Variants in FAM178B observed in about 807,000 individuals in gnomAD.
FAM178B encodes protein FAM178B.
FAM178B carries 82 observed loss-of-function variants against 91.7 expected under a neutral mutation model. The observed-to-expected ratio is 0.89, with a 90% CI of 0.75 to 1.07. The LOEUF (loss-of-function observed/expected upper bound fraction) is 1.07. FAM178B is among the 50% of genes least tolerant of loss of function. The pLI, the probability that FAM178B is intolerant of heterozygous loss-of-function variation, is 0.00. For missense variants in FAM178B, 769 were observed against 846.7 expected (o/e 0.91, Z 1.14); for synonymous variants, 368 against 359.4 (o/e 1.02, Z -0.27).
intron 5 of FAM178B, 138 bp from the exon 6 acceptor site, chr2:96,960,578 C>T (rs948824666): frequency 2.8e-5 from 29 of 1,017,726 alleles, no homozygotes; most frequent in Admixed American, 9.0e-5. Context: ...AAGGGGACAG[C>T]GCCACCTGCT....
At chr2:96,926,781 T>A (rs1484517205) in intron 9 of FAM178B, among the ~76,000 whole-genome samples, 1 of 152,100 alleles carries the variant, frequency 6.6e-6, no homozygotes, top group East Asian at 1.9e-4. Flanking sequence ...TTTAAGGAAA[T>A]CCGAGATTAG....
intron 12 of FAM178B, among the ~76,000 whole-genome samples, chr2:96,920,034 AACACAGAGG>A (rs1440723223): frequency 6.6e-6 from 1 of 152,120 alleles, no homozygotes; most frequent in Non-Finnish European, 1.5e-5. Flanking sequence ...AGTGGAGGGT[AACACAGAGG>A]TGTCTGCCAA....
intron 9 of FAM178B, among the ~76,000 whole-genome samples, chr2:96,926,066 G>T (rs2081433139): frequency 6.6e-6 from 1 of 152,184 alleles, no homozygotes; most frequent in African/African-American, 2.4e-5. Flanking sequence ...CACTTTGGGA[G>T]GCTGAGGTGA....
intron 12 of FAM178B, among the ~76,000 whole-genome samples, chr2:96,904,278 A>G (rs1009390566): frequency 3.3e-5 from 5 of 152,210 alleles, no homozygotes; most frequent in African/African-American, 1.2e-4. Context: ...TGTTGTGATT[A>G]TGAATGAACC....
In FAM178B at chr2:96,929,256, AC is replaced by A; in HGVS notation, c.1142del (p.Gly381ValfsTer26). On this transcript the variant is annotated frameshift_variant, in exon 9 of 17. Coordinates refer to ENST00000490605, the MANE Select transcript of FAM178B (RefSeq NM_001122646.3). LOFTEE classifies it high-confidence loss of function. The stretch of plus-strand genomic sequence containing the variant: ...GAGGGTACAGGGCAGGACTGTGGGC[AC>A]CCAGGCTGTGGAATGCCTCCCTGAC... ...QEVREAFHSL[G>X]AHSPALYPLG... 2 of 1,551,662 alleles carry A rather than the reference AC, an allele frequency of 1.3e-6. No homozygotes were observed. The highest frequency in any genetic ancestry group is 1.7e-6 in the Non-Finnish European group (2 of 1,146,968).
chr2:96,961,312 G>GGTGTGGGTGT (rs2082077682), intron 5 of FAM178B, among the ~76,000 whole-genome samples: 1 of 146,842 alleles, frequency 6.8e-6, no homozygotes, highest in South Asian at 2.2e-4. Context: ...AGCAGCAGAG[G>GGTGTGGGTGT]GTGTGTGTGT....
In FAM178B at chr2:96,929,013, C is replaced by T. The variant is rs578019389; in HGVS notation, c.1193+193G>A. Among the ~76,000 whole-genome samples the T allele has an allele frequency of 6.6e-5, 10 of 152,178 alleles. No individual in the cohort carries two copies. The East Asian group carries it at 1.7e-3, about 27-fold the overall frequency. On this transcript the variant is annotated intron_variant, in intron 9 of 16. Transcript: ENST00000490605. ...CCTCTACAAAAAATTAAAAAATTCG[C>T]CAGGCGTGGTGGTGCGTACCTGTAG...
In FAM178B at chr2:96,909,569, G is replaced by A. The variant is rs548514067; in HGVS notation, c.1563-6862C>T. Among the ~76,000 whole-genome samples the A allele has an allele frequency of 1.0e-3, 157 of 152,274 alleles. 1 individual carries two copies. The highest frequency in any genetic ancestry group is 1.2e-3 in the Non-Finnish European group (83 of 68,026). On this transcript the variant is annotated intron_variant, in intron 12 of 16. Transcript: ENST00000490605. ...TCTGACGGCCCTGGGGGTTGTCAAT[G>A]TTCCCTTTCAAGTGCGACACTCGGA...
At chr2:96,977,841 G>A (rs1472476709) in intron 1 of FAM178B, 2 of 455,556 alleles carry the variant, frequency 4.4e-6, no homozygotes, top group Non-Finnish European at 8.8e-6. Context: ...CTCCAGCGTT[G>A]ACGGTTTTTG....
intron 6 of FAM178B, among the ~76,000 whole-genome samples, chr2:96,953,453 G>A (rs556263776): frequency 6.6e-6 from 1 of 152,220 alleles, no homozygotes; most frequent in African/African-American, 2.4e-5. Context: ...CTTAGTGGGA[G>A]AATTGATTGT....
intron 16 of FAM178B, among the ~76,000 whole-genome samples, chr2:96,876,809 A>G (rs528125511): frequency 6.6e-6 from 1 of 152,066 alleles, no homozygotes; most frequent in African/African-American, 2.4e-5. Flanking sequence ...CCCTCCATAG[A>G]GGACTGGGGG....
intron 8 of FAM178B, among the ~76,000 whole-genome samples, chr2:96,946,770 C>T (rs1039041305): frequency 6.6e-6 from 1 of 152,252 alleles, no homozygotes; most frequent in Non-Finnish European, 1.5e-5. Context: ...GAGGCGGCCC[C>T]TGGGGCTCCA....
At chr2:96,910,620 G>C (rs1240595278) in intron 12 of FAM178B, among the ~76,000 whole-genome samples, 1 of 151,448 alleles carries the variant, frequency 6.6e-6, no homozygotes, top group Admixed American at 6.6e-5. Context: ...CACGCCGTTT[G>C]TCCGGCTACC....
chr2:96,922,340 G>A (rs1226535540), intron 10 of FAM178B, among the ~76,000 whole-genome samples: 1 of 152,180 alleles, frequency 6.6e-6, no homozygotes, highest in Non-Finnish European at 1.5e-5. Flanking sequence ...CTATGAAGTA[G>A]CCATTCTTTA....
At position 96,972,245 on chromosome 2, in the gene FAM178B, C is replaced by G; in HGVS notation, c.220G>C (p.Gly74Arg). The G allele has an allele frequency of 6.6e-7, 1 of 1,519,084 alleles. No homozygotes were observed. Among genetic ancestry groups the G allele is most frequent in the South Asian group, 1.3e-5 (1 of 78,734 alleles). 94.1% of individuals were successfully genotyped at this position (1,519,084 alleles called of 1,614,324 possible). A position where few individuals can be genotyped will look rare whatever the true frequency, so the allele number is the denominator to read the frequency against. Residue 74 changes from glycine (G) to arginine (R), a missense_variant, in exon 3 of 17, where the codon GGG becomes CGG. Physicochemically the swap from Gly to Arg is moderately radical, Grantham distance 125 (BLOSUM62 -2). Coordinates refer to ENST00000490605, the MANE Select transcript of FAM178B (RefSeq NM_001122646.3). ...GGCCGCCGGGCAGGGCAGCGGGGCC[C>G]CTGGTCCAGGGGATGGTCTGACAAG... ...DGLSDHPLDQ[G>R]PRCPARRPCS...
intron 8 of FAM178B, among the ~76,000 whole-genome samples, chr2:96,944,157 G>A (rs554469711): frequency 9.9e-5 from 15 of 151,472 alleles, no homozygotes; most frequent in African/African-American, 2.7e-4. Context: ...CAGGAGAATG[G>A]CGTGAACCCG....
intron 7 of FAM178B, among the ~76,000 whole-genome samples, chr2:96,950,848 C>T (rs1019810700): frequency 6.6e-5 from 10 of 152,200 alleles, no homozygotes; most frequent in Admixed American, 1.3e-4. Context: ...AGGAAGCACA[C>T]GCTCAAACGC....
At chr2:96,906,527 C>T (rs2081059058) in intron 12 of FAM178B, among the ~76,000 whole-genome samples, 2 of 152,190 alleles carry the variant, frequency 1.3e-5, no homozygotes, top group African/African-American at 4.8e-5. Context: ...CCTCAACCCC[C>T]TCCTGTGCAG....
intron 8 of FAM178B, among the ~76,000 whole-genome samples, chr2:96,934,173 C>CAA (rs1213029784): frequency 1.3e-5 from 2 of 152,200 alleles, no homozygotes; most frequent in African/African-American, 2.4e-5. Flanking sequence ...GGGGGACACA[C>CAA]AACGCACACA....
Sources: allele counts gnomAD v4.1 joint callset (sites outside exome capture counted in the v4.1 genomes callset), GRCh38; gene constraint gnomAD v4.1.1; transcripts MANE v1.5; gene names NCBI Gene and HGNC (gene_info 2026-07-23, HGNC 2026-07-21).